The following PABPC4L variants were observed in gnomAD, a reference collection of about 807,000 sequenced individuals.
The protein encoded by PABPC4L is polyadenylate-binding protein 4-like.
For missense variants in PABPC4L, 452 were observed against 451.4 expected, an observed-to-expected ratio of 1.00 and a Z score of -0.01; for synonymous variants, 169 against 164.1, an observed-to-expected ratio of 1.03 and a Z score of -0.23.
chr4:134,003,683 A>G, the PABPC4L span, among the ~76,000 whole-genome samples: 7 of 151,962 alleles, frequency 4.6e-5, no homozygotes, highest in Admixed American at 1.3e-4. Flanking sequence ...GTCTTGTGGG[A>G]AAAAGACTAT....
the PABPC4L span, among the ~76,000 whole-genome samples, chr4:134,188,715 CTT>C: frequency 1.6e-3 from 249 of 152,022 alleles, 4 homozygotes; most frequent in Non-Finnish European, 1.9e-4. Context: ...TTTCTTCTGA[CTT>C]TTTTCAAAAC....
the PABPC4L span, among the ~76,000 whole-genome samples, chr4:134,158,878 C>T: frequency 6.6e-5 from 10 of 152,110 alleles, no homozygotes; most frequent in Admixed American, 5.9e-4. Flanking sequence ...ATAACACACT[C>T]AGGCTATATG....
the PABPC4L span, among the ~76,000 whole-genome samples, chr4:133,953,400 C>T: frequency 6.6e-6 from 1 of 152,114 alleles, no homozygotes; most frequent in Non-Finnish European, 1.5e-5. Context: ...TCAGTAATTC[C>T]TCAATTGGTT....
the PABPC4L span, among the ~76,000 whole-genome samples, chr4:134,115,012 A>G: frequency 1.3e-5 from 2 of 151,804 alleles, no homozygotes; most frequent in African/African-American, 2.4e-5. Flanking sequence ...TTATATTGGG[A>G]ATGCACCACT....
At chr4:133,979,515 A>G in the PABPC4L span, among the ~76,000 whole-genome samples, 1 of 152,120 alleles carries the variant, frequency 6.6e-6, no homozygotes, top group Admixed American at 6.6e-5. Context: ...TGCAATACAG[A>G]CATCAAAGCT....
At chr4:134,107,262 G>A in the PABPC4L span, among the ~76,000 whole-genome samples, 1 of 151,250 alleles carries the variant, frequency 6.6e-6, no homozygotes, top group Non-Finnish European at 1.5e-5. Flanking sequence ...AAATAGAGTA[G>A]ATAGATAATT....
At chr4:133,956,120 A>G in the PABPC4L span, among the ~76,000 whole-genome samples, 4 of 152,160 alleles carry the variant, frequency 2.6e-5, no homozygotes, top group African/African-American at 9.7e-5. Context: ...ACTTAACAGA[A>G]TGCTTGAAAA....
the PABPC4L span, among the ~76,000 whole-genome samples, chr4:134,019,187 G>T: frequency 6.6e-6 from 1 of 152,244 alleles, no homozygotes; most frequent in Non-Finnish European, 1.5e-5. Context: ...GAATCTGTTT[G>T]TCAGCCTAAC....
the PABPC4L span, among the ~76,000 whole-genome samples, chr4:134,162,352 C>T: frequency 6.6e-6 from 1 of 151,982 alleles, no homozygotes. Flanking sequence ...TCTGCAGCTC[C>T]CAGATCCATA....
chr4:134,081,173 G>C, the PABPC4L span, among the ~76,000 whole-genome samples: 3 of 152,102 alleles, frequency 2.0e-5, no homozygotes, highest in Admixed American at 2.0e-4. Context: ...AATGGCTGTT[G>C]AAGTCTTCAT....
At chr4:134,175,004 T>C in the PABPC4L span, among the ~76,000 whole-genome samples, 1 of 152,108 alleles carries the variant, frequency 6.6e-6, no homozygotes, top group Non-Finnish European at 1.5e-5. Flanking sequence ...TTTATGGCCA[T>C]GTGTTTAATA....
chr4:134,183,059 G>T, the PABPC4L span, among the ~76,000 whole-genome samples: 1 of 151,900 alleles, frequency 6.6e-6, no homozygotes, highest in Non-Finnish European at 1.5e-5. Context: ...ATTTCTCAAA[G>T]AACCTAAAAC....
At chr4:134,174,010 A>T in the PABPC4L span, among the ~76,000 whole-genome samples, 1 of 152,156 alleles carries the variant, frequency 6.6e-6, no homozygotes, top group East Asian at 1.9e-4. Flanking sequence ...CAGCTGTACA[A>T]AAATATTTTC....
At chr4:134,119,748 C>T in the PABPC4L span, among the ~76,000 whole-genome samples, 1 of 151,666 alleles carries the variant, frequency 6.6e-6, no homozygotes, top group Non-Finnish European at 1.5e-5. Context: ...AATATATTCT[C>T]TCCTCTGACT....
At chr4:133,965,548 A>G in the PABPC4L span, among the ~76,000 whole-genome samples, 1 of 152,150 alleles carries the variant, frequency 6.6e-6, no homozygotes, top group Non-Finnish European at 1.5e-5. Flanking sequence ...GAGGCATCAT[A>G]CTATCTTATT....
the PABPC4L span, among the ~76,000 whole-genome samples, chr4:134,090,031 C>T: frequency 6.6e-6 from 1 of 151,996 alleles, no homozygotes; most frequent in Non-Finnish European, 1.5e-5. Flanking sequence ...GTTTTGTTTT[C>T]CCAGAACTTG....
At chr4:133,948,601 G>A in the PABPC4L span, among the ~76,000 whole-genome samples, 1 of 152,190 alleles carries the variant, frequency 6.6e-6, no homozygotes, top group Non-Finnish European at 1.5e-5. Context: ...ATCTTTGCAA[G>A]GTGGGAAAGA....
chr4:134,050,385 T>G, the PABPC4L span, among the ~76,000 whole-genome samples: 1 of 152,060 alleles, frequency 6.6e-6, no homozygotes, highest in African/African-American at 2.4e-5. Context: ...ATTTAAAGCA[T>G]GAATGGACAC....
At chr4:133,977,005 T>A in the PABPC4L span, among the ~76,000 whole-genome samples, 1 of 152,212 alleles carries the variant, frequency 6.6e-6, no homozygotes, top group African/African-American at 2.4e-5. Flanking sequence ...ATGTCCTGAA[T>A]GGTGTTACCT....
Sources: allele counts gnomAD v4.1 joint callset (sites outside exome capture counted in the v4.1 genomes callset), GRCh38; gene constraint gnomAD v4.1.1; transcripts MANE v1.5; gene names NCBI Gene and HGNC (gene_info 2026-07-23, HGNC 2026-07-21).